ITIH5: variants seen among roughly 807,000 people sequenced by gnomAD.
The protein encoded by ITIH5 is inter-alpha-trypsin inhibitor heavy chain 5, also known as inter-alpha-trypsin inhibitor heavy chain H5.
ITIH5 carries 65 observed loss-of-function variants against 77.5 expected under a neutral mutation model. That is an observed-to-expected ratio of 0.84 (90% CI 0.69 to 1.03). The LOEUF (loss-of-function observed/expected upper bound fraction) is 1.03. Among genes scored for constraint, ITIH5 ranks in the 50% least tolerant of loss-of-function variants. The probability of loss-of-function intolerance (pLI) is 0.00; values close to 1 mark genes in which losing one functional copy is unlikely to be tolerated. For missense variants in ITIH5, 1,208 were observed against 1,213.1 expected (o/e 1.00, Z 0.06); for synonymous variants, 525 against 494.3 (o/e 1.06, Z -0.82).
rs71383924 is a variant in ITIH5 at position 7,597,044 on chromosome 10, C to CAAAAAAAAAAAAAAAAAAAAA, written c.940-10976_940-10975insTTTTTTTTTTTTTTTTTTTTT. ...CTGGGTGCAGAGTGAGTCTCCAACT[C>CAAAAAAAAAAAAAAAAAAAAA]AAAAAAAAAAAAAAAAAAAATTCCA... On this transcript the variant is annotated intron_variant, in intron 7 of 13. Transcript: ENST00000397146. Among the ~76,000 whole-genome samples the CAAAAAAAAAAAAAAAAAAAAA allele has an allele frequency of 9.8e-4, 36 of 36,860 alleles. 1 individual carries two copies. The highest frequency in any genetic ancestry group is 2.5e-3 in the East Asian group (2 of 786). The allele number at this position is 36,860 out of a possible 152,430, so 24.2% of individuals were successfully genotyped here. A position where few individuals can be genotyped will look rare whatever the true frequency, so the allele number is the denominator to read the frequency against.
At chr10:7,586,383 C>A (rs1459053758) in intron 7 of ITIH5, among the ~76,000 whole-genome samples, 1 of 152,226 alleles carries the variant, frequency 6.6e-6, no homozygotes, top group Non-Finnish European at 1.5e-5. Flanking sequence ...CTACCTCCAT[C>A]TTTCACTTGA....
At chr10:7,632,349 C>T (rs1027312108) in intron 5 of ITIH5, among the ~76,000 whole-genome samples, 1 of 152,114 alleles carries the variant, frequency 6.6e-6, no homozygotes, top group Non-Finnish European at 1.5e-5. Flanking sequence ...GAGGTGGTAG[C>T]AGCGTTCTAA....
intron 7 of ITIH5, among the ~76,000 whole-genome samples, chr10:7,602,569 G>T (rs1406174790): frequency 6.6e-6 from 1 of 152,162 alleles, no homozygotes; most frequent in Admixed American, 6.6e-5. Context: ...CTGTGAAGAA[G>T]GTTCCTGCTT....
intron 12 of ITIH5, chr10:7,569,414 G>C: frequency 2.6e-6 from 1 of 384,882 alleles, no homozygotes; most frequent in East Asian, 3.9e-5. Flanking sequence ...GAGGCCAAGA[G>C]AGTGTTCCTA....
chr10:7,566,958 G>A (rs949236429), intron 12 of ITIH5, among the ~76,000 whole-genome samples: 4 of 151,448 alleles, frequency 2.6e-5, no homozygotes, highest in Non-Finnish European at 5.9e-5. Context: ...AACGCATCAA[G>A]TTAGAACTTC....
intron 8 of ITIH5, among the ~76,000 whole-genome samples, chr10:7,582,456 GT>G (rs35537997): frequency 0.84 from 126,462 of 151,418 alleles, 53,025 homozygotes; most frequent in Middle Eastern, 0.94. Flanking sequence ...TATTTCCTTT[GT>G]TTTTTTTTTA....
intron 7 of ITIH5, among the ~76,000 whole-genome samples, chr10:7,603,678 G>A (rs1036434575): frequency 1.3e-5 from 2 of 152,086 alleles, no homozygotes; most frequent in Non-Finnish European, 2.9e-5. Flanking sequence ...CCGCCTCCCG[G>A]GTTCACACCA....
intron 7 of ITIH5, among the ~76,000 whole-genome samples, chr10:7,614,046 T>C (rs1350073131): frequency 1.3e-5 from 2 of 152,222 alleles, no homozygotes; most frequent in Non-Finnish European, 2.9e-5. Flanking sequence ...AATATTATGT[T>C]CATCATTCGA....
chr10:7,617,354 C>A, intron 5 of ITIH5, 72 bp from the exon 6 acceptor site: 1 of 1,000,482 alleles, frequency 1.0e-6, no homozygotes. Context: ...AACTGTTTGG[C>A]AGACACAGAG....
chr10:7,574,800 AAAAAAAAAAAAAAGC>A (rs1832375211), intron 10 of ITIH5, among the ~76,000 whole-genome samples: 1 of 24,204 alleles, frequency 4.1e-5, no homozygotes, highest in Admixed American at 8.9e-4. Flanking sequence ...CTCGGAAAAA[AAAAAAAAAAAAAAGC>A]AAAAAAAAAC....
At chr10:7,581,254 G>A (rs994115664) in intron 8 of ITIH5, among the ~76,000 whole-genome samples, 4 of 147,752 alleles carry the variant, frequency 2.7e-5, no homozygotes, top group Non-Finnish European at 4.5e-5. Flanking sequence ...AGTGAGACGC[G>A]GTCTCAACAG....
intron 7 of ITIH5, among the ~76,000 whole-genome samples, chr10:7,605,161 G>A (rs183947439): frequency 5.3e-5 from 8 of 151,910 alleles, no homozygotes; most frequent in African/African-American, 9.7e-5. Flanking sequence ...TAAAGTTCTC[G>A]GTGAAAGTGA....
intron 5 of ITIH5, among the ~76,000 whole-genome samples, chr10:7,636,241 G>A (rs1833796575): frequency 6.6e-6 from 1 of 152,060 alleles, no homozygotes; most frequent in Non-Finnish European, 1.5e-5. Flanking sequence ...TTCAATAAAT[G>A]AAGAGCTATT....
At chr10:7,626,845 A>G (rs1833586940) in intron 5 of ITIH5, among the ~76,000 whole-genome samples, 2 of 152,328 alleles carry the variant, frequency 1.3e-5, no homozygotes, top group South Asian at 4.1e-4. Context: ...AATTTTCTGG[A>G]ACCAAAGTTA....
At chr10:7,590,279 C>T (rs1254214601) in intron 7 of ITIH5, among the ~76,000 whole-genome samples, 1 of 152,216 alleles carries the variant, frequency 6.6e-6, no homozygotes, top group Non-Finnish European at 1.5e-5. Flanking sequence ...CAACACCACC[C>T]TGGAATTCCA....
rs1338220202 is a variant in ITIH5, at chr10:7,559,818, A to G, written c.*3265T>C. 1 of 455,132 alleles carries G rather than the reference A, an allele frequency of 2.2e-6. No individual in the cohort carries two copies. The highest frequency in any genetic ancestry group is 2.4e-5 in the Admixed American group (1 of 42,424). 28.2% of individuals were successfully genotyped at this position (455,132 alleles called of 1,614,324 possible). On this transcript the variant is annotated 3_prime_UTR_variant, in exon 14 of 14. Coordinates refer to ENST00000397146, the MANE Select transcript of ITIH5 (RefSeq NM_030569.7). Reference sequence around the variant, plus strand: ...CTCATCGTATCCCCAGGTGGTGGAGAGGAAAAACACCATCTCTCCCATGTC... The same window carrying G: ...CTCATCGTATCCCCAGGTGGTGGAGGGGAAAAACACCATCTCTCCCATGTC...
At chr10:7,611,612 A>G (rs532120418) in intron 7 of ITIH5, among the ~76,000 whole-genome samples, 1 of 152,228 alleles carries the variant, frequency 6.6e-6, no homozygotes, top group Admixed American at 6.5e-5. Flanking sequence ...TTATCAAATC[A>G]TCTTATTTCT....
At chr10:7,589,646 C>G (rs1422668328) in intron 7 of ITIH5, among the ~76,000 whole-genome samples, 1 of 151,998 alleles carries the variant, frequency 6.6e-6, no homozygotes, top group Non-Finnish European at 1.5e-5. Flanking sequence ...TCTGTTCTCT[C>G]CTCTGCTATT....
At chr10:7,590,957 C>T (rs892483691) in intron 7 of ITIH5, among the ~76,000 whole-genome samples, 6 of 152,178 alleles carry the variant, frequency 3.9e-5, no homozygotes, top group Admixed American at 6.5e-5. Context: ...AGTGCAGCGG[C>T]GCGGTATCCA....
Sources: gnomAD v4.1 joint callset for allele counts (sites outside exome capture counted in the v4.1 genomes callset) on GRCh38, gnomAD v4.1.1 for gene constraint, MANE v1.5 for transcripts, NCBI Gene and HGNC (gene_info 2026-07-23, HGNC 2026-07-21) for gene names.